ASIC2: variants seen among roughly 807,000 people sequenced by gnomAD.
ASIC2 encodes the protein acid-sensing ion channel 2.
In ASIC2, 25 loss-of-function variants were observed where a neutral mutation model predicts 57.3. The ratio of observed to expected loss-of-function variants is 0.44; its 90% confidence interval spans 0.32 to 0.61. The LOEUF is 0.61. Among genes scored for constraint, ASIC2 ranks in the 20% least tolerant of loss-of-function variants. The probability of loss-of-function intolerance (pLI) is 0.06; values close to 1 mark genes in which losing one functional copy is unlikely to be tolerated. For missense variants in ASIC2, 641 were observed against 738.1 expected, an observed-to-expected ratio of 0.87 and a Z score of 1.52; for synonymous variants, 319 against 307.5, an observed-to-expected ratio of 1.04 and a Z score of -0.39.
intron 1 of ASIC2, among the ~76,000 whole-genome samples, chr17:33,905,106 C>A (rs1981145): frequency 6.8e-6 from 1 of 147,124 alleles, no homozygotes. Flanking sequence ...GTAGTTCCTG[C>A]AGTAGACAAT....
upstream of ASIC2, among the ~76,000 whole-genome samples, chr17:33,294,671 A>G (rs1331118340): frequency 6.6e-6 from 1 of 152,196 alleles, no homozygotes; most frequent in Non-Finnish European, 1.5e-5. Context: ...ACATACATGT[A>G]TACCAACATA....
At chr17:33,561,081 C>T (rs1430382513) in intron 1 of ASIC2, among the ~76,000 whole-genome samples, 1 of 152,040 alleles carries the variant, frequency 6.6e-6, no homozygotes, top group African/African-American at 2.4e-5. Flanking sequence ...TGCAGTGTTA[C>T]AGAGAAAAGG....
At chr17:34,144,499 A>G (rs1367604317) in intron 1 of ASIC2, among the ~76,000 whole-genome samples, 3 of 152,198 alleles carry the variant, frequency 2.0e-5, no homozygotes, top group Non-Finnish European at 2.9e-5. Context: ...TTGTATCACC[A>G]GCTCATCTTA....
At chr17:33,736,511 C>T (rs1909915929) in intron 1 of ASIC2, among the ~76,000 whole-genome samples, 1 of 152,182 alleles carries the variant, frequency 6.6e-6, no homozygotes, top group South Asian at 2.1e-4. Context: ...GTGAAGATCC[C>T]AGGCATCTGT....
chr17:33,400,559 C>A (rs1910246308), intron 1 of ASIC2, among the ~76,000 whole-genome samples: 1 of 152,082 alleles, frequency 6.6e-6, no homozygotes, highest in Non-Finnish European at 1.5e-5. Flanking sequence ...GATTTATGAG[C>A]CAGAAATCTC....
At chr17:33,386,077 C>T (rs1909665263) in intron 1 of ASIC2, among the ~76,000 whole-genome samples, 1 of 152,176 alleles carries the variant, frequency 6.6e-6, no homozygotes, top group Non-Finnish European at 1.5e-5. Flanking sequence ...TCTTATTCAC[C>T]CCTGTATTCC....
intron 1 of ASIC2, among the ~76,000 whole-genome samples, chr17:33,808,214 T>C (rs190053301): frequency 1.1e-4 from 17 of 152,372 alleles, no homozygotes; most frequent in African/African-American, 4.1e-4. Context: ...TTGTGAACAG[T>C]GTGAGGTCTG....
At chr17:33,711,937 T>C (rs777626568) in intron 1 of ASIC2, among the ~76,000 whole-genome samples, 2 of 152,188 alleles carry the variant, frequency 1.3e-5, no homozygotes, top group Admixed American at 6.5e-5. Context: ...TCTCTGACTT[T>C]TCTAAAACCC....
intron 1 of ASIC2, among the ~76,000 whole-genome samples, chr17:33,703,337 C>CTGT (rs201321581): frequency 2.4e-3 from 307 of 127,462 alleles, no homozygotes; most frequent in East Asian, 3.9e-3. Flanking sequence ...TTTTTTGTTG[C>CTGT]TGTTGTTGTT....
At chr17:33,479,492 T>C (rs145979568) in intron 1 of ASIC2, among the ~76,000 whole-genome samples, 1 of 152,278 alleles carries the variant, frequency 6.6e-6, no homozygotes, top group East Asian at 1.9e-4. Context: ...TAGAAAGAAA[T>C]TGTTTGTCTT....
chr17:33,231,805 T>G (rs1002193435), intron 1 of ASIC2, among the ~76,000 whole-genome samples: 5 of 152,186 alleles, frequency 3.3e-5, no homozygotes, highest in Admixed American at 6.5e-5. Context: ...CAATGGGGTC[T>G]TATGCTTTGC....
chr17:33,447,801 T>C (rs956304712), intron 1 of ASIC2, among the ~76,000 whole-genome samples: 1 of 150,208 alleles, frequency 6.7e-6, no homozygotes, highest in Non-Finnish European at 1.5e-5. Flanking sequence ...AGGGTGACTA[T>C]AGCTTACAAT....
At chr17:33,123,897 T>C (rs2092312937) in intron 1 of ASIC2, among the ~76,000 whole-genome samples, 1 of 152,146 alleles carries the variant, frequency 6.6e-6, no homozygotes, top group South Asian at 2.1e-4. Context: ...CAGAAGTGTG[T>C]TGTGTTGTGT....
At chr17:33,816,148 T>C in intron 1 of ASIC2, among the ~76,000 whole-genome samples, 1 of 102,190 alleles carries the variant, frequency 9.8e-6, no homozygotes, top group African/African-American at 4.1e-5. Context: ...AGTTGTTTCC[T>C]GAGTAGGAGC....
chr17:33,020,247 A>T (rs537461575), intron 7 of ASIC2, among the ~76,000 whole-genome samples: 17 of 152,112 alleles, frequency 1.1e-4, no homozygotes, highest in Non-Finnish European at 2.4e-4. Context: ...TTTCTGGGCT[A>T]GGGGGTTATC....
At chr17:33,748,011 T>A (rs1014382874) in intron 1 of ASIC2, among the ~76,000 whole-genome samples, 3 of 152,248 alleles carry the variant, frequency 2.0e-5, no homozygotes, top group African/African-American at 7.2e-5. Flanking sequence ...GGTACCAGTA[T>A]CATTTCCATT....
chr17:33,478,854 G>C (rs1294566827), intron 1 of ASIC2, among the ~76,000 whole-genome samples: 1 of 152,134 alleles, frequency 6.6e-6, no homozygotes, highest in Non-Finnish European at 1.5e-5. Flanking sequence ...CTGCTAAACA[G>C]AATTCTTTTG....
chr17:33,794,587 A>G lies in ASIC2; in HGVS notation c.555+361391T>C, dbSNP rs1911862276. 2.0e-5 allele frequency: 3 copies of G among 152,142 alleles called. No homozygotes were observed. In the South Asian group the frequency reaches 6.2e-4, roughly 32 times the overall value. The allele number at this position is 152,142 out of a possible 1,614,324, so 9.4% of individuals were successfully genotyped here. A position where few individuals can be genotyped will look rare whatever the true frequency, so the allele number is the denominator to read the frequency against. ...TTAGACCTGTTCTTTTGTTTTGGAA[A>G]TTTGATGCTATGTCCAAAATTCAAA... On this transcript the variant is annotated intron_variant, in intron 1 of 9. Coordinates refer to the ASIC2 transcript ENST00000359872.
chr17:34,109,491 T>C (rs1272838972), intron 1 of ASIC2, among the ~76,000 whole-genome samples: 2 of 152,220 alleles, frequency 1.3e-5, no homozygotes, highest in South Asian at 2.1e-4. Context: ...GAATCATCTG[T>C]CTTTACCATA....
Sources: gnomAD v4.1 joint callset for allele counts (sites outside exome capture counted in the v4.1 genomes callset) on GRCh38, gnomAD v4.1.1 for gene constraint, MANE v1.5 for transcripts, NCBI Gene and HGNC (gene_info 2026-07-23, HGNC 2026-07-21) for gene names.